Variants in SMOC2 observed in about 807,000 individuals in gnomAD.
The protein encoded by SMOC2 is SPARC-related modular calcium-binding protein 2.
SMOC2 carries 39 observed loss-of-function variants against 61.4 expected under a neutral mutation model. That is an observed-to-expected ratio of 0.64 (90% CI 0.49 to 0.83). The LOEUF is 0.83. Ranked by LOEUF, SMOC2 falls within the 40% of genes least tolerant of loss-of-function variation. The pLI is 0.00. For synonymous variants in SMOC2, 247 were observed against 239.9 expected (o/e 1.03, Z -0.27); for missense variants, 556 against 592.9 (o/e 0.94, Z 0.65).
chr6:168,604,200 A>T (rs1785628972), intron 8 of SMOC2, among the ~76,000 whole-genome samples: 1 of 152,246 alleles, frequency 6.6e-6, no homozygotes, highest in African/African-American at 2.4e-5. Context: ...CACAGTGCTC[A>T]GAGGACACAG....
At chr6:168,485,744 C>T (rs971065742) in intron 1 of SMOC2, among the ~76,000 whole-genome samples, 15 of 151,804 alleles carry the variant, frequency 9.9e-5, no homozygotes, top group South Asian at 2.1e-4. Flanking sequence ...ATTTTAATAT[C>T]GATTGTGTTA....
At chr6:168,478,334 G>A (rs1170590454) in intron 1 of SMOC2, among the ~76,000 whole-genome samples, 2 of 152,180 alleles carry the variant, frequency 1.3e-5, no homozygotes, top group Non-Finnish European at 2.9e-5. Context: ...CTAGAGAAAG[G>A]ATAATTGTTA....
chr6:168,646,300 G>A lies in SMOC2; in HGVS notation c.908-4381G>A, dbSNP rs547741430. Among the ~76,000 whole-genome samples, 3 of 152,282 alleles carry A rather than the reference G, an allele frequency of 2.0e-5. No individual in the cohort carries two copies. In the East Asian group the frequency reaches 5.8e-4, roughly 29 times the overall value. On this transcript the variant is annotated intron_variant, in intron 9 of 12. Coordinates refer to ENST00000356284, the MANE Select transcript of SMOC2 (RefSeq NM_001166412.2). ...CCCACGATTGTGCCAGTGTGTGGCT[G>A]CTGTTATCCAGTGGTCTCTTCTCTT...
intron 7 of SMOC2, among the ~76,000 whole-genome samples, chr6:168,569,265 A>G (rs1360775094): frequency 6.6e-6 from 1 of 152,206 alleles, no homozygotes; most frequent in Non-Finnish European, 1.5e-5. Context: ...TTTAATTGCA[A>G]TCACCTAATG....
intron 11 of SMOC2, among the ~76,000 whole-genome samples, chr6:168,660,001 T>TAGG (rs1787465837): frequency 7.5e-5 from 9 of 119,330 alleles, no homozygotes; most frequent in Non-Finnish European, 9.0e-5. Context: ...GAGGTTGTTG[T>TAGG]CTGGGTGAGG....
intron 7 of SMOC2, among the ~76,000 whole-genome samples, chr6:168,560,558 G>A (rs11752003): frequency 0.052 from 6,124 of 118,668 alleles, 419 homozygotes; most frequent in Non-Finnish European, 0.065. Flanking sequence ...CCTGAGACAC[G>A]AGGCTCTCAC....
chr6:168,472,576 T>A (rs532579548), intron 1 of SMOC2, among the ~76,000 whole-genome samples: 10 of 152,294 alleles, frequency 6.6e-5, no homozygotes, highest in African/African-American at 2.2e-4. Context: ...ATTATGAGTG[T>A]GGCTGCTTAA....
chr6:168,549,090 A>G (rs1251560414), intron 6 of SMOC2, 39 bp from the exon 7 acceptor site: 1 of 1,553,578 alleles, frequency 6.4e-7, no homozygotes, highest in Admixed American at 1.7e-5. Flanking sequence ...TGCTTTCGTG[A>G]TGAATTAAAG....
chr6:168,442,420 G>T (rs565768059), intron 1 of SMOC2, among the ~76,000 whole-genome samples: 1 of 152,246 alleles, frequency 6.6e-6, no homozygotes, highest in African/African-American at 2.4e-5. Context: ...GGCCAAGGCC[G>T]GGTGTCTGCA....
rs76510822 is a variant in SMOC2 at position 168,626,697 on chromosome 6, G to A, written c.907+18458G>A. Among the ~76,000 whole-genome samples, 736 of 152,318 alleles carry A rather than the reference G, an allele frequency of 4.8e-3. 4 individuals carry two copies. Among genetic ancestry groups the A allele is most frequent in the African/African-American group, 0.017 (688 of 41,564 alleles). ...TAGCAAAAGTGCGTGGCAACTTAACGCGTTCTGTTACCTAGGCCTGTGTTT... is the reference window on the plus strand; with the variant it reads ...TAGCAAAAGTGCGTGGCAACTTAACACGTTCTGTTACCTAGGCCTGTGTTT... On this transcript the variant is annotated intron_variant, in intron 9 of 12. Transcript: ENST00000356284.
intron 9 of SMOC2, among the ~76,000 whole-genome samples, chr6:168,636,928 C>G (rs374739959): frequency 3.3e-5 from 4 of 119,626 alleles, no homozygotes; most frequent in South Asian, 3.4e-4. Flanking sequence ...CCCTCCTCCC[C>G]CCTCCCCACC....
At chr6:168,617,031 C>G (rs1056902009) in intron 9 of SMOC2, among the ~76,000 whole-genome samples, 1 of 152,086 alleles carries the variant, frequency 6.6e-6, no homozygotes, top group Non-Finnish European at 1.5e-5. Flanking sequence ...CAGAGGGCAC[C>G]GGAGAGATGA....
At chr6:168,504,366 A>G (rs1007160291) in intron 1 of SMOC2, among the ~76,000 whole-genome samples, 2 of 149,346 alleles carry the variant, frequency 1.3e-5, no homozygotes, top group Non-Finnish European at 3.0e-5. Flanking sequence ...GGGAGCCCTG[A>G]GCTTGTTTTC....
chr6:168,610,782 G>C (rs372175907), intron 9 of SMOC2, among the ~76,000 whole-genome samples: 11 of 150,452 alleles, frequency 7.3e-5, no homozygotes, highest in African/African-American at 2.5e-4. Flanking sequence ...TGGCACAAGA[G>C]ATCTAGGTCT....
chr6:168,638,792 G>A (rs977273860), intron 9 of SMOC2, among the ~76,000 whole-genome samples: 1 of 152,194 alleles, frequency 6.6e-6, no homozygotes, highest in African/African-American at 2.4e-5. Flanking sequence ...AATCAGAAGC[G>A]CTGTGCTCCT....
At chr6:168,581,288 T>A (rs2115158627) in intron 7 of SMOC2, among the ~76,000 whole-genome samples, 1 of 152,136 alleles carries the variant, frequency 6.6e-6, no homozygotes, top group Non-Finnish European at 1.5e-5. Flanking sequence ...ACAACATGCG[T>A]AAAAATTAAG....
At chr6:168,506,184 C>T (rs898182141) in intron 1 of SMOC2, among the ~76,000 whole-genome samples, 3 of 151,998 alleles carry the variant, frequency 2.0e-5, no homozygotes, top group African/African-American at 7.3e-5. Context: ...TTTTGTTACA[C>T]CCCCATACCT....
intron 11 of SMOC2, among the ~76,000 whole-genome samples, chr6:168,653,898 G>C (rs1307306786): frequency 8.8e-4 from 35 of 39,582 alleles, no homozygotes; most frequent in East Asian, 8.2e-3. Context: ...CACCAACCCT[G>C]CACCTGAGCT....
At position 168,448,715 on chromosome 6, in the gene SMOC2, C is replaced by G. The variant is rs568482323; in HGVS notation, c.84+7261C>G. ...ATGCACATCTTTTGCTAAACTCCCTCTTCCTACCATAAGCCTTGCGATACA... is the reference window on the plus strand; with the variant it reads ...ATGCACATCTTTTGCTAAACTCCCTGTTCCTACCATAAGCCTTGCGATACA... On this transcript the variant is annotated intron_variant, in intron 1 of 12. Transcript: ENST00000356284. Among the ~76,000 whole-genome samples the G allele has an allele frequency of 1.0e-3, 159 of 152,270 alleles. 1 individual carries two copies. Among genetic ancestry groups the G allele is most frequent in the Middle Eastern group, 3.4e-3 (1 of 294 alleles).
Sources: allele counts gnomAD v4.1 joint callset (sites outside exome capture counted in the v4.1 genomes callset), GRCh38; gene constraint gnomAD v4.1.1; transcripts MANE v1.5; gene names NCBI Gene and HGNC (gene_info 2026-07-23, HGNC 2026-07-21).